The following CDH6 variants were observed in gnomAD, a reference collection of about 807,000 sequenced individuals.
CDH6 encodes the protein cadherin-6.
CDH6 carries 31 observed loss-of-function variants against 78.0 expected under a neutral mutation model. The ratio of observed to expected loss-of-function variants is 0.40; its 90% CI spans 0.30 to 0.54. The LOEUF (loss-of-function observed/expected upper bound fraction) is 0.54. Among genes scored for constraint, CDH6 ranks in the 20% least tolerant of loss-of-function variants. The probability of loss-of-function intolerance (pLI) is 0.56; values close to 1 mark genes in which losing one functional copy is unlikely to be tolerated. For synonymous variants in CDH6, 376 were observed against 368.8 expected (o/e 1.02, Z -0.23); for missense variants, 724 against 975.9 (o/e 0.74, Z 3.44).
chr5:31,322,206 A>G lies in CDH6; in HGVS notation c.1883-612A>G, dbSNP rs148868484. Among the ~76,000 whole-genome samples, 4 of 152,322 alleles carry G rather than the reference A, an allele frequency of 2.6e-5. No homozygotes were observed. In the East Asian group the frequency reaches 7.7e-4, roughly 29 times the overall value. ...TCAAATTAGCCAATCTCAAAATCCAAAATGGCTTTCTGAATTATATCTGGG... is the reference window on the plus strand; with the variant it reads ...TCAAATTAGCCAATCTCAAAATCCAGAATGGCTTTCTGAATTATATCTGGG... On this transcript the variant is annotated intron_variant, in intron 11 of 11. Transcript: ENST00000265071.
intron 1 of CDH6, among the ~76,000 whole-genome samples, chr5:31,243,019 A>G (rs1741647846): frequency 6.6e-6 from 1 of 152,052 alleles, no homozygotes; most frequent in Non-Finnish European, 1.5e-5. Flanking sequence ...CACTGATAAG[A>G]CCTGTTTTGA....
chr5:31,293,692 C>G (rs774055052), intron 2 of CDH6, among the ~76,000 whole-genome samples: 12 of 152,080 alleles, frequency 7.9e-5, no homozygotes, highest in Non-Finnish European at 1.8e-4. Flanking sequence ...ATTGCTCTTG[C>G]CTTTTGTTTT....
At chr5:31,257,479 A>G (rs775147890) in intron 1 of CDH6, among the ~76,000 whole-genome samples, 9 of 152,194 alleles carry the variant, frequency 5.9e-5, no homozygotes, top group Non-Finnish European at 1.0e-4. Flanking sequence ...TCGTTTTTAT[A>G]GTCATTAGTC....
intron 11 of CDH6, among the ~76,000 whole-genome samples, chr5:31,322,113 C>T (rs943016866): frequency 2.0e-5 from 3 of 152,190 alleles, no homozygotes; most frequent in Admixed American, 6.5e-5. Context: ...AAAAATCTCA[C>T]TTACATGTAT....
chr5:31,201,836 A>T (rs1740357178), intron 1 of CDH6, among the ~76,000 whole-genome samples: 1 of 152,228 alleles, frequency 6.6e-6, no homozygotes, highest in Non-Finnish European at 1.5e-5. Context: ...AAGCCATTTA[A>T]TGAAAAGGTA....
At chr5:31,226,058 A>G (rs1408259310) in intron 1 of CDH6, among the ~76,000 whole-genome samples, 1 of 152,174 alleles carries the variant, frequency 6.6e-6, no homozygotes, top group Admixed American at 6.5e-5. Flanking sequence ...TTCCTGAAAT[A>G]AAGTAATGCA....
intron 2 of CDH6, among the ~76,000 whole-genome samples, chr5:31,277,561 T>C (rs933456753): frequency 2.6e-5 from 4 of 152,214 alleles, no homozygotes; most frequent in South Asian, 2.1e-4. Flanking sequence ...AAGAGCAGAA[T>C]AATTAATTCT....
At chr5:31,199,524 A>ATG (rs1491253838) in intron 1 of CDH6, among the ~76,000 whole-genome samples, 5 of 97,274 alleles carry the variant, frequency 5.1e-5, no homozygotes, top group Non-Finnish European at 1.2e-4. Context: ...GTACACACAC[A>ATG]TATGTGTATA....
At chr5:31,203,336 C>T (rs1269071692) in intron 1 of CDH6, among the ~76,000 whole-genome samples, 4 of 139,442 alleles carry the variant, frequency 2.9e-5, no homozygotes, top group South Asian at 2.4e-4. Flanking sequence ...CATGCTGGTG[C>T]GCTGCACCCA....
At chr5:31,260,164 A>C (rs1742174708) in intron 1 of CDH6, among the ~76,000 whole-genome samples, 1 of 152,234 alleles carries the variant, frequency 6.6e-6, no homozygotes, top group East Asian at 1.9e-4. Flanking sequence ...AGCCATCTTC[A>C]TGTTCATAAG....
chr5:31,279,627 T>A lies in CDH6; in HGVS notation c.228+11926T>A, dbSNP rs189817079. Among the ~76,000 whole-genome samples the A allele has an allele frequency of 1.4e-3, 218 of 152,118 alleles. 1 individual carries two copies. The highest frequency in any genetic ancestry group is 4.9e-3 in the African/African-American group (203 of 41,518). ...AGAAAATCATAAGAAAGGGAAAATA[T>A]GTTTACTATTGATTAAGTGGAGGTG... On this transcript the variant is annotated intron_variant, in intron 2 of 11. Transcript: ENST00000265071.
chr5:31,287,563 C>T (rs137905090), intron 2 of CDH6, among the ~76,000 whole-genome samples: 171 of 152,216 alleles, frequency 1.1e-3, no homozygotes, highest in Middle Eastern at 6.8e-3. Context: ...AAATAAAGGC[C>T]TGGAGAGGTT....
intron 1 of CDH6, among the ~76,000 whole-genome samples, chr5:31,206,780 C>T (rs1740534246): frequency 6.6e-6 from 1 of 152,180 alleles, no homozygotes; most frequent in African/African-American, 2.4e-5. Context: ...TTACATCTTA[C>T]ATTAATACAG....
At chr5:31,228,819 C>T (rs1741236579) in intron 1 of CDH6, among the ~76,000 whole-genome samples, 1 of 152,292 alleles carries the variant, frequency 6.6e-6, no homozygotes, top group South Asian at 2.1e-4. Context: ...GCTGTGTGGC[C>T]GGGTTCCTAA....
At chr5:31,234,532 A>T (rs1741399730) in intron 1 of CDH6, among the ~76,000 whole-genome samples, 1 of 152,186 alleles carries the variant, frequency 6.6e-6, no homozygotes, top group Admixed American at 6.5e-5. Flanking sequence ...AGCATCCTAT[A>T]CAGCTGATAG....
chr5:31,201,582 G>C (rs1224652733), intron 1 of CDH6, among the ~76,000 whole-genome samples: 1 of 152,140 alleles, frequency 6.6e-6, no homozygotes. Context: ...GAAAGATTAT[G>C]ATGGCTCTTT....
At chr5:31,313,551 C>A in intron 8 of CDH6, 97 bp downstream of exon 8, 1 of 1,153,848 alleles carries the variant, frequency 8.7e-7, no homozygotes, top group Non-Finnish European at 1.2e-6. Flanking sequence ...TATTGACAAT[C>A]CCACTTGATA....
At chr5:31,255,940 G>A (rs1299783865) in intron 1 of CDH6, among the ~76,000 whole-genome samples, 2 of 152,184 alleles carry the variant, frequency 1.3e-5, no homozygotes, top group East Asian at 1.9e-4. Context: ...TTACACCTCT[G>A]TAAATACTGC....
chr5:31,239,920 AATTC>A (rs1176772243), intron 1 of CDH6, among the ~76,000 whole-genome samples: 1 of 152,204 alleles, frequency 6.6e-6, no homozygotes, highest in East Asian at 1.9e-4. Context: ...GAACAGAGAC[AATTC>A]TTCAAATAAT....
Sources: allele counts gnomAD v4.1 joint callset (sites outside exome capture counted in the v4.1 genomes callset), GRCh38; gene constraint gnomAD v4.1.1; transcripts MANE v1.5; gene names NCBI Gene and HGNC (gene_info 2026-07-23, HGNC 2026-07-21).